The following MCC variants were observed in gnomAD, a reference collection of about 807,000 sequenced individuals.
The protein encoded by MCC is colorectal mutant cancer protein.
A neutral mutation model predicts 116.2 loss-of-function variants in MCC; 90 were observed. The ratio of observed to expected loss-of-function variants is 0.77; its 90% CI spans 0.65 to 0.92. The LOEUF (loss-of-function observed/expected upper bound fraction) is 0.92, where lower values mean the gene tolerates loss of function less well. Ranked by LOEUF, MCC falls within the 40% of genes least tolerant of loss-of-function variation. MCC has a pLI of 0.00. For synonymous variants in MCC, 578 were observed against 510.5 expected (o/e 1.13, Z -1.78); for missense variants, 1,516 against 1,312.2 (o/e 1.16, Z -2.40).
intron 5 of MCC, among the ~76,000 whole-genome samples, chr5:113,138,846 G>A (rs146310775): frequency 2.6e-5 from 4 of 152,262 alleles, no homozygotes; most frequent in African/African-American, 9.6e-5. Flanking sequence ...TAAAAGGAAA[G>A]TTTACTGTAC....
At chr5:113,062,615 G>C (rs1414759618) in intron 14 of MCC, among the ~76,000 whole-genome samples, 2 of 152,222 alleles carry the variant, frequency 1.3e-5, no homozygotes, top group Admixed American at 6.5e-5. Flanking sequence ...ATACACATCT[G>C]GAAGAGTCAT....
chr5:113,376,974 C>T (rs1300320974), intron 2 of MCC, among the ~76,000 whole-genome samples: 1 of 152,098 alleles, frequency 6.6e-6, no homozygotes, highest in Non-Finnish European at 1.5e-5. Context: ...GAGAAGAATC[C>T]CTCTTTTCTC....
At chr5:113,297,546 C>A (rs1766744544) in intron 3 of MCC, among the ~76,000 whole-genome samples, 1 of 151,616 alleles carries the variant, frequency 6.6e-6, no homozygotes, top group Non-Finnish European at 1.5e-5. Flanking sequence ...GCCTGGGCAA[C>A]AGAGTGAGAC....
intron 3 of MCC, among the ~76,000 whole-genome samples, chr5:113,279,137 TGATCTCAGTAA>T (rs60169986): frequency 0.13 from 19,597 of 152,104 alleles, 2,062 homozygotes; most frequent in Admixed American, 0.26. Context: ...TCCACACAAC[TGATCTCAGTAA>T]CTTCCCAATT....
chr5:113,048,385 C>T (rs554113918), intron 16 of MCC, among the ~76,000 whole-genome samples: 3 of 152,166 alleles, frequency 2.0e-5, no homozygotes, highest in Admixed American at 6.5e-5. Flanking sequence ...ACCTGAGTTG[C>T]GAATCATTCC....
intron 13 of MCC, among the ~76,000 whole-genome samples, chr5:113,067,098 T>C (rs1249651627): frequency 6.6e-6 from 1 of 152,188 alleles, no homozygotes; most frequent in East Asian, 1.9e-4. Context: ...TGCCGCTTCC[T>C]AGAATGACAT....
intron 3 of MCC, among the ~76,000 whole-genome samples, chr5:113,281,759 G>A (rs998476294): frequency 2.0e-5 from 3 of 152,180 alleles, no homozygotes; most frequent in Admixed American, 1.3e-4. Flanking sequence ...AGCAGGCAGT[G>A]AGACTCTCAG....
At chr5:113,125,528 A>C (rs1046034971) in intron 5 of MCC, among the ~76,000 whole-genome samples, 3 of 152,208 alleles carry the variant, frequency 2.0e-5, no homozygotes, top group South Asian at 2.1e-4. Flanking sequence ...GCATATCCTT[A>C]TCTCTCATTG....
intron 6 of MCC, among the ~76,000 whole-genome samples, chr5:113,119,560 G>A (rs189857659): frequency 3.3e-5 from 5 of 152,332 alleles, no homozygotes; most frequent in Non-Finnish European, 5.9e-5. Context: ...AGCAGGGACC[G>A]CCCTGTTGGC....
At chr5:113,444,965 G>A (rs762282280) in intron 1 of MCC, among the ~76,000 whole-genome samples, 1 of 152,156 alleles carries the variant, frequency 6.6e-6, no homozygotes, top group Admixed American at 6.5e-5. Context: ...ACTTATCCAA[G>A]GGCAGAGCTA....
chr5:113,057,309 G>C (rs544992400), intron 14 of MCC, among the ~76,000 whole-genome samples: 62 of 152,238 alleles, frequency 4.1e-4, no homozygotes, highest in Middle Eastern at 6.8e-3. Context: ...GTTACAACAG[G>C]ATCCATCTGG....
intron 6 of MCC, among the ~76,000 whole-genome samples, chr5:113,111,487 GCTACCTGC>G (rs1757094232): frequency 1.3e-5 from 2 of 152,172 alleles, no homozygotes; most frequent in African/African-American, 4.8e-5. Context: ...ATAGGCCTCA[GCTACCTGC>G]GACACTGACC....
chr5:113,177,457 T>C (rs140282631), intron 3 of MCC, among the ~76,000 whole-genome samples: 87 of 152,262 alleles, frequency 5.7e-4, no homozygotes, highest in African/African-American at 2.0e-3. Flanking sequence ...TAGGAAACCA[T>C]CCCAACAAAT....
intron 1 of MCC, among the ~76,000 whole-genome samples, chr5:113,464,409 A>C (rs1771839165): frequency 6.6e-6 from 1 of 152,154 alleles, no homozygotes; most frequent in Non-Finnish European, 1.5e-5. Context: ...CTGTTCCTTT[A>C]ATCAGGAACT....
intron 3 of MCC, among the ~76,000 whole-genome samples, chr5:113,249,820 T>TC (rs1054933232): frequency 6.6e-6 from 1 of 152,178 alleles, no homozygotes; most frequent in Non-Finnish European, 1.5e-5. Flanking sequence ...GGCCCCCTTA[T>TC]CCACTGCTCC....
intron 1 of MCC, among the ~76,000 whole-genome samples, chr5:113,408,832 G>A (rs1689406842): frequency 6.6e-6 from 1 of 152,206 alleles, no homozygotes. Context: ...AAGGGAGCAG[G>A]AGATGGATGA....
At chr5:113,389,984 T>C (rs975271653) in intron 1 of MCC, among the ~76,000 whole-genome samples, 4 of 152,236 alleles carry the variant, frequency 2.6e-5, no homozygotes, top group African/African-American at 9.6e-5. Flanking sequence ...TTCTCTGCCC[T>C]AGGCAAGGAA....
At chr5:113,256,989 G>A (rs1347495711) in intron 3 of MCC, among the ~76,000 whole-genome samples, 1 of 152,152 alleles carries the variant, frequency 6.6e-6, no homozygotes, top group East Asian at 1.9e-4. Flanking sequence ...GAATCTGGCA[G>A]GAGGTCTGGA....
chr5:113,456,446 T>C (rs1771548323), intron 1 of MCC, among the ~76,000 whole-genome samples: 1 of 152,058 alleles, frequency 6.6e-6, no homozygotes, highest in African/African-American at 2.4e-5. Flanking sequence ...AAATCCAAAA[T>C]GCTCTGATGA....
Sources: allele counts gnomAD v4.1 joint callset (sites outside exome capture counted in the v4.1 genomes callset), GRCh38; gene constraint gnomAD v4.1.1; transcripts MANE v1.5; gene names NCBI Gene and HGNC (gene_info 2026-07-23, HGNC 2026-07-21).